Variants in TSEN2 observed in about 807,000 individuals in gnomAD.
TSEN2 encodes the protein tRNA splicing endonuclease subunit 2.
Under a neutral mutation model 59.2 loss-of-function variants are expected in TSEN2, and 54 were observed. That is an observed-to-expected ratio of 0.91 (90% confidence interval 0.73 to 1.14). The LOEUF (loss-of-function observed/expected upper bound fraction) is 1.14, where lower values mean the gene tolerates loss of function less well. Among genes scored for constraint, TSEN2 ranks in the 50% most tolerant of loss-of-function variants. The probability of loss-of-function intolerance (pLI) is 0.00; values close to 1 mark genes in which losing one functional copy is unlikely to be tolerated. For synonymous variants in TSEN2, 195 were observed against 198.2 expected, an observed-to-expected ratio of 0.98 and a Z score of 0.14; for missense variants, 636 against 576.2, an observed-to-expected ratio of 1.10 and a Z score of -1.06.
At chr3:12,512,057 C>T (rs1015521058) in intron 6 of TSEN2, among the ~76,000 whole-genome samples, 1 of 152,146 alleles carries the variant, frequency 6.6e-6, no homozygotes, top group African/African-American at 2.4e-5. Context: ...CCTCAGTTTC[C>T]TCAGATGTAA....
intron 6 of TSEN2, among the ~76,000 whole-genome samples, chr3:12,510,542 C>G (rs913222995): frequency 1.3e-5 from 2 of 152,184 alleles, no homozygotes; most frequent in Admixed American, 6.5e-5. Flanking sequence ...ACACCAGGGT[C>G]GGGCGACAGC....
chr3:12,492,107 A>G (rs1423197276), intron 2 of TSEN2, 29 bp from the exon 3 acceptor site: 21 of 1,596,034 alleles, frequency 1.3e-5, no homozygotes, highest in East Asian at 8.9e-5. Flanking sequence ...CTAAGCATGA[A>G]CTAACTTCAT....
rs141664363 is a variant in TSEN2 at position 12,528,898 on chromosome 3, G to A, written c.1110G>A (p.Arg370=). 7 of 1,613,856 alleles carry A rather than the reference G, an allele frequency of 4.3e-6. No homozygotes were observed. In the African/African-American group the frequency reaches 6.7e-5, roughly 15 times the overall value. Residue 370 remains arginine, a synonymous_variant, in exon 9 of 12, where the codon CGG becomes CGA. Coordinates refer to ENST00000284995, the MANE Select transcript of TSEN2 (RefSeq NM_025265.4). Reference sequence around the variant, plus strand: ...CTTTCTTCTTTGCAGTGCTATATCGGAAAGGCCCTCCATTTTACCATGCAA... The same window carrying A: ...CTTTCTTCTTTGCAGTGCTATATCGAAAAGGCCCTCCATTTTACCATGCAA... ...LKYGTDLLLY[R]KGPPFYHASY...
chr3:12,536,210 T>C (rs139507074), downstream of TSEN2, among the ~76,000 whole-genome samples: 1,054 of 152,292 alleles, frequency 6.9e-3, 5 homozygotes, highest in African/African-American at 0.024. Context: ...AATACTGTAG[T>C]AAGCACCTGC....
In TSEN2 at chr3:12,512,405, G is replaced by C. The variant is rs766846078; in HGVS notation, c.910-4206G>C. ...TATTTTTGCTTGAATTGATATAACA[G>C]CTAATGACATTCAGTGATGTATACA... On this transcript the variant is annotated intron_variant, in intron 6 of 11. Transcript: ENST00000284995. Among the ~76,000 whole-genome samples, 100 of 152,310 alleles carry C rather than the reference G, an allele frequency of 6.6e-4. No homozygotes were observed. The Middle Eastern group carries it at 0.017, about 26-fold the overall frequency.
At chr3:12,526,046 T>C (rs944345615) in intron 8 of TSEN2, among the ~76,000 whole-genome samples, 1 of 152,084 alleles carries the variant, frequency 6.6e-6, no homozygotes, top group East Asian at 1.9e-4. Flanking sequence ...TAATTTATTA[T>C]TGAAGAAAGA....
chr3:12,489,701 C>G, intron 1 of TSEN2, 83 bp from the exon 2 acceptor site: 1 of 1,182,198 alleles, frequency 8.5e-7, no homozygotes, highest in Non-Finnish European at 1.2e-6. Context: ...GTTTTCTGAG[C>G]CTAGGTACAG....
intron 4 of TSEN2, among the ~76,000 whole-genome samples, chr3:12,499,744 G>C (rs567395856): frequency 6.6e-6 from 1 of 152,302 alleles, no homozygotes; most frequent in Admixed American, 6.5e-5. Context: ...TGATGGGCCT[G>C]TGTGTCATCT....
chr3:12,488,342 A>T (rs954803463), intron 1 of TSEN2, among the ~76,000 whole-genome samples: 1 of 152,208 alleles, frequency 6.6e-6, no homozygotes, highest in Admixed American at 6.5e-5. Context: ...ATCTTCAAGC[A>T]CCAGGTAAGC....
At chr3:12,506,627 C>CAT (rs1407474825) in intron 6 of TSEN2, 1 of 906,620 alleles carries the variant, frequency 1.1e-6, no homozygotes, top group Non-Finnish European at 1.3e-6. Context: ...TAAACTGCAT[C>CAT]ATATTGTCCC....
rs762522168 is a variant in TSEN2 at position 12,516,638 on chromosome 3, T to C, written c.937T>C (p.Cys313Arg). 1.3e-5 allele frequency: 21 copies of C among 1,613,948 alleles called. No homozygotes were observed. In the East Asian group the frequency reaches 3.8e-4, roughly 29 times the overall value. Residue 313 changes from cysteine (C) to arginine (R), a missense_variant, in exon 7 of 12, where the codon TGT (cysteine) becomes CGT (arginine). Coordinates refer to ENST00000284995, the MANE Select transcript of TSEN2 (RefSeq NM_025265.4). ...CTTTTTCTTGGTCTATGCTCTGGGA[T>C]GTTTAAGTATTTACTATGAGAAGGT... The part of the protein sequence containing the change: ...EAFFLVYALG[C>R]LSIYYEKEPL...
Position 12,503,416 on chromosome 3 carries a change from T to A in TSEN2, c.463T>A (p.Ser155Thr). Residue 155 changes from serine to threonine, a missense_variant, in exon 5 of 12, where the codon TCT becomes ACT. Physicochemically the swap from Ser to Thr is moderately conservative, Grantham distance 58. Coordinates refer to ENST00000284995, the MANE Select transcript of TSEN2 (RefSeq NM_025265.4). ...GGCTCAAGTGCATGACAAGCTTAAC[T>A]CTGGAATGGTTTCCAACATGGAAGG... is the stretch of plus-strand genomic sequence containing the variant. ...EEAQVHDKLNSGMVSNMEGTA... is the reference protein window; with the variant it reads ...EEAQVHDKLNTGMVSNMEGTA... The A allele has an allele frequency of 6.2e-7, 1 of 1,614,146 alleles. No individual in the cohort carries two copies. The highest frequency in any genetic ancestry group is 8.5e-7 in the Non-Finnish European group (1 of 1,180,032).
chr3:12,488,740 A>C (rs1204668116), intron 1 of TSEN2, among the ~76,000 whole-genome samples: 1 of 152,206 alleles, frequency 6.6e-6, no homozygotes, highest in Non-Finnish European at 1.5e-5. Context: ...TAATTCCGTT[A>C]CTGCTCAATA....
At chr3:12,505,423 A>G (rs2054706861) in intron 6 of TSEN2, 192 bp downstream of exon 6, 1 of 581,746 alleles carries the variant, frequency 1.7e-6, no homozygotes. Context: ...CATCAGTTCT[A>G]AGATATGTGT....
intron 6 of TSEN2, among the ~76,000 whole-genome samples, chr3:12,507,252 C>T (rs2054934573): frequency 6.6e-6 from 1 of 152,156 alleles, no homozygotes; most frequent in Non-Finnish European, 1.5e-5. Flanking sequence ...GCACCAGCCA[C>T]GTCTCAAACA....
chr3:12,502,382 A>G (rs1225188445), intron 4 of TSEN2, among the ~76,000 whole-genome samples: 2 of 151,990 alleles, frequency 1.3e-5, no homozygotes, highest in African/African-American at 4.8e-5. Flanking sequence ...CAAAAATACA[A>G]AAAATTAGCT....
At chr3:12,532,131 G>A (rs577331753) in intron 11 of TSEN2, among the ~76,000 whole-genome samples, 61 of 152,064 alleles carry the variant, frequency 4.0e-4, no homozygotes, top group Non-Finnish European at 6.2e-4. Context: ...GAGCCTTAAC[G>A]TTGCCATTGG....
upstream of TSEN2, among the ~76,000 whole-genome samples, chr3:12,480,983 AG>A (rs1265576571): frequency 3.3e-5 from 5 of 152,164 alleles, no homozygotes; most frequent in Admixed American, 6.5e-5. Context: ...TGCAGAAGAG[AG>A]GTAAGAACAC....
intron 3 of TSEN2, among the ~76,000 whole-genome samples, chr3:12,493,442 TAGTC>T (rs2053429682): frequency 6.6e-6 from 1 of 152,106 alleles, no homozygotes; most frequent in South Asian, 2.1e-4. Context: ...AAAAAAATAA[TAGTC>T]GGCCAGGCGC....
Sources: gnomAD v4.1 joint callset for allele counts (sites outside exome capture counted in the v4.1 genomes callset) on GRCh38, gnomAD v4.1.1 for gene constraint, MANE v1.5 for transcripts, NCBI Gene and HGNC (gene_info 2026-07-23, HGNC 2026-07-21) for gene names.